The following FIRRM variants were observed in gnomAD, a reference collection of about 807,000 sequenced individuals.
FIRRM encodes FIGNL1 interacting regulator of recombination and mitosis, also known as FIGNL1-interacting regulator of recombination and mitosis.
chr1:169,802,628 A>G, the FIRRM span: 3 of 1,605,578 alleles, frequency 1.9e-6, no homozygotes, highest in Admixed American at 3.4e-5. Context: ...CAGACTGTGA[A>G]ATTATTCGAT....
At chr1:169,805,426 T>A in the FIRRM span, among the ~76,000 whole-genome samples, 1 of 152,206 alleles carries the variant, frequency 6.6e-6, no homozygotes, top group Non-Finnish European at 1.5e-5. Context: ...GTAGCAAAAG[T>A]GTGAGCAGGT....
the FIRRM span, chr1:169,851,314 T>C: frequency 2.0e-5 from 3 of 152,360 alleles, no homozygotes; most frequent in Non-Finnish European, 4.4e-5. Context: ...TACATATATA[T>C]TTTTTTAGGT....
chr1:169,793,670 A>G, the FIRRM span: 1 of 1,597,066 alleles, frequency 6.3e-7, no homozygotes, highest in Non-Finnish European at 8.5e-7. Flanking sequence ...ATGGTCTTCT[A>G]TAGTGAAATT....
chr1:169,827,813 A>G, the FIRRM span: 4 of 1,613,912 alleles, frequency 2.5e-6, no homozygotes, highest in African/African-American at 5.3e-5. Context: ...TGGTGCACAG[A>G]CAGCCAGGTC....
chr1:169,851,763 C>G, the FIRRM span: 3 of 1,587,490 alleles, frequency 1.9e-6, no homozygotes, highest in East Asian at 4.5e-5. Flanking sequence ...CATTTCATAT[C>G]TAGTAGAGTG....
chr1:169,791,315 ATGAG>A, the FIRRM span, among the ~76,000 whole-genome samples: 11 of 152,236 alleles, frequency 7.2e-5, no homozygotes, highest in African/African-American at 1.7e-4. Context: ...AGAGTTGTGA[ATGAG>A]TATCACATAT....
At chr1:169,852,881 A>G in the FIRRM span, 1 of 1,614,158 alleles carries the variant, frequency 6.2e-7, no homozygotes. Context: ...GAAGCAACTG[A>G]GTCACTACTC....
the FIRRM span, among the ~76,000 whole-genome samples, chr1:169,839,277 A>G: frequency 3.3e-5 from 5 of 152,096 alleles, no homozygotes; most frequent in African/African-American, 1.2e-4. Context: ...TTTCTTTCGG[A>G]TATGTACCCA....
chr1:169,845,788 G>A, the FIRRM span, among the ~76,000 whole-genome samples: 14 of 152,188 alleles, frequency 9.2e-5, no homozygotes, highest in East Asian at 2.1e-3. Flanking sequence ...CTTCCTCCAC[G>A]GTAGGCTTGA....
At chr1:169,807,463 T>TTC in the FIRRM span, among the ~76,000 whole-genome samples, 1 of 152,200 alleles carries the variant, frequency 6.6e-6, no homozygotes. Context: ...TTATTTAACA[T>TTC]TCTCTCTCAT....
the FIRRM span, chr1:169,827,739 A>G: frequency 1.9e-4 from 314 of 1,614,134 alleles, 1 homozygote; most frequent in Middle Eastern, 2.6e-3. Flanking sequence ...AGTTTCCACA[A>G]TGTCTTCTTC....
the FIRRM span, chr1:169,795,270 C>A: frequency 6.6e-7 from 1 of 1,511,776 alleles, no homozygotes; most frequent in Admixed American, 2.0e-5. Flanking sequence ...GGTCGCGAAC[C>A]TTTCTCTTCT....
the FIRRM span, chr1:169,803,261 C>T: frequency 1.2e-5 from 20 of 1,613,750 alleles, no homozygotes; most frequent in African/African-American, 2.3e-4. Flanking sequence ...TTCAGAGTCT[C>T]CCCTCCTCAG....
At chr1:169,849,926 C>A in the FIRRM span, 1 of 460,788 alleles carries the variant, frequency 2.2e-6, no homozygotes, top group Non-Finnish European at 3.9e-6. Flanking sequence ...TTTGTGCTAT[C>A]AGTCATAAGG....
the FIRRM span, among the ~76,000 whole-genome samples, chr1:169,824,166 G>A: frequency 6.6e-6 from 1 of 152,096 alleles, no homozygotes; most frequent in African/African-American, 2.4e-5. Context: ...AGGAAAAATG[G>A]AAGCAATTAA....
chr1:169,821,640 CTTAT>C, the FIRRM span: 261 of 1,406,322 alleles, frequency 1.9e-4, 2 homozygotes, highest in African/African-American at 3.5e-3. Flanking sequence ...ATATTCTTTT[CTTAT>C]TTATTATGCT....
chr1:169,843,804 T>A, the FIRRM span: 2 of 1,366,476 alleles, frequency 1.5e-6, no homozygotes, highest in South Asian at 2.4e-5. Flanking sequence ...CTTTGTTTGC[T>A]AAGGAGGTTG....
the FIRRM span, among the ~76,000 whole-genome samples, chr1:169,787,194 G>A: frequency 6.6e-6 from 1 of 152,176 alleles, no homozygotes; most frequent in African/African-American, 2.4e-5. Flanking sequence ...AGTGTGCAGT[G>A]TGCAGTGGTG....
chr1:169,839,980 G>A, the FIRRM span, among the ~76,000 whole-genome samples: 2 of 152,126 alleles, frequency 1.3e-5, no homozygotes, highest in Non-Finnish European at 2.9e-5. Flanking sequence ...TATTGAATAG[G>A]AGTCCTTTCT....
Sources: gnomAD v4.1 joint callset for allele counts (sites outside exome capture counted in the v4.1 genomes callset) on GRCh38, gnomAD v4.1.1 for gene constraint, MANE v1.5 for transcripts, NCBI Gene and HGNC (gene_info 2026-07-23, HGNC 2026-07-21) for gene names.